CIB1: variants seen among roughly 807,000 people sequenced by gnomAD.
The protein encoded by CIB1 is calcium and integrin binding 1.
CIB1 carries 19 observed loss-of-function variants against 25.0 expected under a neutral mutation model. The observed-to-expected ratio is 0.76, with a 90% confidence interval of 0.53 to 1.12. The LOEUF (loss-of-function observed/expected upper bound fraction) is 1.12, where lower values mean the gene tolerates loss of function less well. CIB1 is among the 50% of genes most tolerant of loss of function. CIB1 has a pLI of 0.00. For synonymous variants in CIB1, 104 were observed against 98.5 expected (o/e 1.06, Z -0.33); for missense variants, 236 against 242.6 (o/e 0.97, Z 0.18).
chr15:90,242,250 T>TG, the CIB1 span: 1 of 233,136 alleles, frequency 4.3e-6, no homozygotes, highest in Non-Finnish European at 7.2e-6. Flanking sequence ...ACCACACACC[T>TG]GGCTTTTTTT....
chr15:90,258,736 C>T, the CIB1 span: 7 of 1,613,576 alleles, frequency 4.3e-6, no homozygotes, highest in Non-Finnish European at 5.1e-6. Flanking sequence ...ATGACTCCTC[C>T]TGGCAGGTAA....
the CIB1 span, chr15:90,263,210 G>A: frequency 7.1e-7 from 1 of 1,404,070 alleles, no homozygotes; most frequent in Non-Finnish European, 9.4e-7. Flanking sequence ...AGGACATGGT[G>A]TTGGTCTCAA....
At chr15:90,251,215 G>A in the CIB1 span, among the ~76,000 whole-genome samples, 3 of 144,496 alleles carry the variant, frequency 2.1e-5, no homozygotes, top group African/African-American at 7.7e-5. Context: ...CCGGGTTCAG[G>A]CCATTCTCCT....
At chr15:90,249,660 C>T in the CIB1 span, 3 of 152,280 alleles carry the variant, frequency 2.0e-5, no homozygotes, top group African/African-American at 4.8e-5. Flanking sequence ...ACAGCCAGTC[C>T]TGTGAAACGA....
At chr15:90,256,610 C>CTCT in the CIB1 span, among the ~76,000 whole-genome samples, 3 of 40,418 alleles carry the variant, frequency 7.4e-5, no homozygotes, top group African/African-American at 1.6e-4. Context: ...TCTTTCTTTC[C>CTCT]TTCCTTCCTT....
the CIB1 span, among the ~76,000 whole-genome samples, chr15:90,261,228 G>A: frequency 4.2e-3 from 636 of 151,266 alleles, 5 homozygotes; most frequent in African/African-American, 0.014. Flanking sequence ...ACAGGCACAC[G>A]CCACCAAGCC....
the CIB1 span, chr15:90,241,924 T>C: frequency 2.5e-6 from 4 of 1,613,922 alleles, no homozygotes; most frequent in African/African-American, 4.0e-5. Context: ...GCTGGGCACC[T>C]CCCTGTCAAA....
At chr15:90,254,186 C>CTGTTGT in the CIB1 span, among the ~76,000 whole-genome samples, 38,253 of 137,820 alleles carry the variant, frequency 0.28, 5,900 homozygotes, top group East Asian at 0.67. Flanking sequence ...GAGTGAGACC[C>CTGTTGT]TGTTTTTTTT....
the CIB1 span, chr15:90,241,803 A>G: frequency 6.2e-7 from 1 of 1,614,230 alleles, no homozygotes; most frequent in South Asian, 1.1e-5. Context: ...TCCGCCGGGA[A>G]AGACATCACC....
In CIB1 at chr15:90,230,938, C is replaced by G. The variant is rs957577705; in HGVS notation, c.550G>C (p.Ala184Pro). 15 of 1,613,778 alleles carry G rather than the reference C, an allele frequency of 9.3e-6. No individual in the cohort carries two copies. The African/African-American group carries it at 2.0e-4, about 22-fold the overall frequency. ...QHVISRSPDF[A>P]SSFKIVL ...GAAGGGGGACCACTGTCATACCTGG[C>G]AAAGTCTGGAGAACGGGAGATGACG... The change falls in exon 6 of 7, where the codon GCC (alanine) becomes CCC (proline). Residue 184 changes from alanine (A) to proline (P), a missense_variant. Physicochemically the swap from Ala to Pro is conservative, Grantham distance 27 (BLOSUM62 -1). Coordinates refer to ENST00000328649, the MANE Select transcript of CIB1 (RefSeq NM_006384.4).
the CIB1 span, among the ~76,000 whole-genome samples, chr15:90,247,290 T>A: frequency 6.8e-6 from 1 of 148,144 alleles, no homozygotes; most frequent in Non-Finnish European, 1.5e-5. Flanking sequence ...TCTTTTCTTT[T>A]CTTTTTTCTT....
chr15:90,258,065 G>A, the CIB1 span: 1 of 1,614,194 alleles, frequency 6.2e-7, no homozygotes, highest in Non-Finnish European at 8.5e-7. Flanking sequence ...ACATCTGGCT[G>A]CAAGAGCACA....
At chr15:90,241,127 G>A in the CIB1 span, 1 of 1,614,148 alleles carries the variant, frequency 6.2e-7, no homozygotes, top group Non-Finnish European at 8.5e-7. Context: ...GGGTGGAGCT[G>A]GGGCTGTTTC....
upstream of CIB1, among the ~76,000 whole-genome samples, chr15:90,237,921 G>A (rs1962670291): frequency 6.6e-6 from 1 of 152,110 alleles, no homozygotes; most frequent in Non-Finnish European, 1.5e-5. Context: ...TACTACATTT[G>A]ATCATCAAAA....
the CIB1 span, chr15:90,243,627 C>T: frequency 7.0e-6 from 1 of 143,498 alleles, no homozygotes; most frequent in Non-Finnish European, 1.5e-5. Context: ...GATGCCACCA[C>T]ACCTTGGTGC....
At chr15:90,236,157 G>C (rs1238239621), upstream of CIB1, 4 of 152,142 alleles carry the variant, frequency 2.6e-5, no homozygotes, top group African/African-American at 9.7e-5. Context: ...TCCTGCCTCA[G>C]CCTCCTGAAT....
At chr15:90,238,504 C>G (rs1596177085), upstream of CIB1, 1 of 152,140 alleles carries the variant, frequency 6.6e-6, no homozygotes, top group East Asian at 1.9e-4. Flanking sequence ...TCTGGAGCAG[C>G]AGAGCTGAAG....
rs139813837 is a variant in CIB1 at position 90,230,961 on chromosome 15, A to G, written c.527T>C (p.Val176Ala). 6.2e-7 allele frequency: 1 copy of G among 1,614,178 alleles called. No individual in the cohort carries two copies. The highest frequency in any genetic ancestry group is 1.3e-5 in the African/African-American group (1 of 75,062). The change falls in exon 6 of 7, where the codon GTC becomes GCC. Residue 176 changes from valine (V) to alanine (A), a missense_variant. Val to Ala is a moderately conservative substitution (Grantham distance 64). Coordinates refer to ENST00000328649, the MANE Select transcript of CIB1 (RefSeq NM_006384.4). ...GGCAAAGTCTGGAGAACGGGAGATGACGTGCTGGAACTCAGAGAGGTTGAT... is the reference window on the plus strand; with the variant it reads ...GGCAAAGTCTGGAGAACGGGAGATGGCGTGCTGGAACTCAGAGAGGTTGAT... ...GTINLSEFQH[V>A]ISRSPDFASS...
the CIB1 span, chr15:90,263,940 T>A: frequency 6.6e-7 from 1 of 1,525,428 alleles, no homozygotes; most frequent in Non-Finnish European, 8.8e-7. Context: ...CCCGGTACCA[T>A]CTGCAGCCCA....
Sources: allele counts gnomAD v4.1 joint callset (sites outside exome capture counted in the v4.1 genomes callset), GRCh38; gene constraint gnomAD v4.1.1; transcripts MANE v1.5; gene names NCBI Gene and HGNC (gene_info 2026-07-23, HGNC 2026-07-21).